Variants in PDK3 observed in about 807,000 individuals in gnomAD.
PDK3 encodes pyruvate dehydrogenase kinase 3.
In PDK3, 12 loss-of-function variants were observed where a neutral mutation model predicts 32.0. The observed-to-expected ratio is 0.37, with a 90% CI of 0.24 to 0.61. PDK3 has a LOEUF of 0.61. PDK3 is among the 20% of genes least tolerant of loss of function. The pLI, the probability that PDK3 is intolerant of heterozygous loss-of-function variation, is 0.65. For missense variants in PDK3, 188 were observed against 316.9 expected, an observed-to-expected ratio of 0.59 and a Z score of 3.09; for synonymous variants, 122 against 116.3, an observed-to-expected ratio of 1.05 and a Z score of -0.31.
At chrX:24,492,800 A>C (rs1921599814) in intron 1 of PDK3, among the ~76,000 whole-genome samples, 2 of 109,558 alleles carry the variant, frequency 1.8e-5, no homozygotes, top group Non-Finnish European at 3.8e-5. Context: ...GGAGATGGAG[A>C]CCATCCTGGC....
At chrX:24,488,395 AAAAC>A (rs755607945) in intron 1 of PDK3, among the ~76,000 whole-genome samples, 61 of 112,686 alleles carry the variant, frequency 5.4e-4, no homozygotes, top group Admixed American at 2.1e-3. Flanking sequence ...CAAAGTATAA[AAAAC>A]AAACAGAGGC....
In PDK3 at chrX:24,506,468, A is replaced by C. The variant is rs781765240; in HGVS notation, c.595+1170A>C. Among the ~76,000 whole-genome samples, 83 of 112,207 alleles carry C rather than the reference A, an allele frequency of 7.4e-4. No homozygotes were observed. In the Middle Eastern group the frequency reaches 0.023, roughly 31 times the overall value. On this transcript the variant is annotated intron_variant, in intron 5 of 10. Coordinates refer to ENST00000379162, the MANE Select transcript of PDK3 (RefSeq NM_005391.5). ...ATTACCCCTTTGAGAAAAAGGCACA[A>C]TTTAGAAAGCAAAAGTGCATTGTGA...
chrX:24,515,858 C>T (rs1303721976), intron 5 of PDK3, among the ~76,000 whole-genome samples: 1 of 111,403 alleles, frequency 9.0e-6, no homozygotes, highest in Non-Finnish European at 1.9e-5. Context: ...TACTGATCAA[C>T]TCTTTTAAAC....
rs371788046 is a variant in PDK3 at position 24,534,053 on chromosome X, A to G, written c.1202A>G (p.Lys401Arg). 9 of 1,204,414 alleles carry G rather than the reference A, an allele frequency of 7.5e-6. No homozygotes were observed. Among genetic ancestry groups the G allele is most frequent in the Non-Finnish European group, 1.0e-5 (9 of 891,915 alleles). Reference sequence around the variant, plus strand: ...AGCAGTGAACCCAGGGATGCTTCAAAATACAAAGCAAAACAGTAATATACC... The same window carrying G: ...AGCAGTGAACCCAGGGATGCTTCAAGATACAAAGCAAAACAGTAATATACC... ...NPSSEPRDAS[K>R]YKAKQ The change falls in exon 11 of 11, where the codon AAA becomes AGA. Residue 401 changes from lysine (K) to arginine (R), a missense_variant. Physicochemically the swap from Lys to Arg is conservative, Grantham distance 26. Transcript: ENST00000379162.
intron 5 of PDK3, among the ~76,000 whole-genome samples, chrX:24,510,451 T>C (rs1368731441): frequency 8.9e-6 from 1 of 112,445 alleles, no homozygotes; most frequent in Non-Finnish European, 1.9e-5. Flanking sequence ...TTAGAAAATA[T>C]GGGAAAAGAG....
chrX:24,521,659 G>C (rs770080517), intron 6 of PDK3, among the ~76,000 whole-genome samples: 6 of 111,754 alleles, frequency 5.4e-5, no homozygotes, highest in African/African-American at 2.0e-4. Flanking sequence ...GGCCAAAGCA[G>C]CAGGCCTGTT....
chrX:24,511,600 C>A (rs1269449576), intron 5 of PDK3, among the ~76,000 whole-genome samples: 2 of 111,673 alleles, frequency 1.8e-5, no homozygotes, highest in Non-Finnish European at 3.8e-5. Flanking sequence ...GTAATCCCAA[C>A]ACTTTGGGAG....
chrX:24,465,623 G>C, intron 1 of PDK3, 62 bp downstream of exon 1: 1 of 838,150 alleles, frequency 1.2e-6, no homozygotes, highest in Non-Finnish European at 1.8e-6. Context: ...CTGCCACCCC[G>C]GATCTCCGCA....
rs1178880511 is a variant in PDK3, at chrX:24,465,498, C to A, written c.43C>A (p.Gln15Lys). The change falls in exon 1 of 11, where the codon CAG (glutamine) becomes AAG (lysine). Residue 15 changes from glutamine to lysine, a missense_variant. Transcript: ENST00000379162. ...RWLLKQPVPK[Q>K]IERYSRFSPS... Reference sequence around the variant, plus strand: ...GCTGCTGAAGCAGCCGGTGCCCAAGCAGATCGAGCGCTACTCGCGCTTTTC... The same window carrying A: ...GCTGCTGAAGCAGCCGGTGCCCAAGAAGATCGAGCGCTACTCGCGCTTTTC... 1.7e-6 allele frequency: 2 copies of A among 1,209,996 alleles called. No homozygotes were observed. The highest frequency in any genetic ancestry group is 4.3e-5 in the Admixed American group (2 of 46,131).
chrX:24,532,625 G>A (rs1378559295), intron 10 of PDK3, among the ~76,000 whole-genome samples: 2 of 111,673 alleles, frequency 1.8e-5, no homozygotes, highest in Admixed American at 1.9e-4. Context: ...AAGGAAAAAT[G>A]AAGTCTCTCC....
intron 6 of PDK3, among the ~76,000 whole-genome samples, chrX:24,522,964 A>G (rs1056238861): frequency 1.4e-4 from 16 of 111,681 alleles, no homozygotes; most frequent in Non-Finnish European, 2.6e-4. Flanking sequence ...AAGGAATCCA[A>G]AGAAAAGCAG....
chrX:24,512,088 A>T (rs1006404679), intron 5 of PDK3, among the ~76,000 whole-genome samples: 1 of 111,594 alleles, frequency 9.0e-6, no homozygotes, highest in Non-Finnish European at 1.9e-5. Flanking sequence ...GCACCTTAGT[A>T]TCTACCTTTA....
chrX:24,477,906 C>G (rs1182162910), intron 1 of PDK3, among the ~76,000 whole-genome samples: 3 of 112,025 alleles, frequency 2.7e-5, no homozygotes, highest in African/African-American at 9.7e-5. Context: ...AACATGGCAA[C>G]TTTTCTGATT....
chrX:24,495,025 T>A, intron 2 of PDK3, 142 bp downstream of exon 2: 1 of 477,707 alleles, frequency 2.1e-6, no homozygotes, highest in Non-Finnish European at 3.4e-6. Context: ...TCCATGCAAT[T>A]AAAAGTTGTT....
intron 1 of PDK3, among the ~76,000 whole-genome samples, chrX:24,477,457 G>A (rs1921139648): frequency 8.9e-6 from 1 of 111,733 alleles, no homozygotes; most frequent in African/African-American, 3.2e-5. Flanking sequence ...GTATAAAACT[G>A]AAGACATTTG....
At chrX:24,519,366 CTTTTTTTT>C (rs1201625079) in intron 6 of PDK3, among the ~76,000 whole-genome samples, 1 of 86,675 alleles carries the variant, frequency 1.2e-5, no homozygotes, top group Non-Finnish European at 2.3e-5. Flanking sequence ...AGACAAATGC[CTTTTTTTT>C]TTTTTTTTTT....
chrX:24,475,311 G>A (rs1921086968), intron 1 of PDK3, among the ~76,000 whole-genome samples: 1 of 110,225 alleles, frequency 9.1e-6, no homozygotes, highest in Admixed American at 9.7e-5. Context: ...ATTTAGTTGA[G>A]GGTAAAGATA....
exon 12 of PDK3, among the ~76,000 whole-genome samples, chrX:24,540,889 CTTTTTTTTTTTTTTTTTT>C (rs369307335): frequency 4.4e-4 from 16 of 36,677 alleles, no homozygotes; most frequent in South Asian, 1.9e-3. Context: ...CCCTAGCTTC[CTTTTTTTTTTTTTTTTTT>C]TTTTTTTTTT....
chrX:24,507,828 TGA>T (rs201724433), intron 5 of PDK3, among the ~76,000 whole-genome samples: 36,826 of 110,162 alleles, frequency 0.33, 4,566 homozygotes, highest in Non-Finnish European at 0.38. Flanking sequence ...GTGCTAGCTT[TGA>T]GAGAGGTATT....
Sources: allele counts gnomAD v4.1 joint callset (sites outside exome capture counted in the v4.1 genomes callset), GRCh38; gene constraint gnomAD v4.1.1; transcripts MANE v1.5; gene names NCBI Gene and HGNC (gene_info 2026-07-23, HGNC 2026-07-21).